Variants in DLC1 observed in about 807,000 individuals in gnomAD.
The protein encoded by DLC1 is rho GTPase-activating protein 7.
A neutral mutation model predicts 140.3 loss-of-function variants in DLC1; 54 were observed. The ratio of observed to expected loss-of-function variants is 0.38; its 90% CI spans 0.31 to 0.48. The LOEUF is 0.48. Among genes scored for constraint, DLC1 ranks in the 20% least tolerant of loss-of-function variants. The probability of loss-of-function intolerance (pLI) is 0.96; values close to 1 mark genes in which losing one functional copy is unlikely to be tolerated. For synonymous variants in DLC1, 986 were observed against 728.1 expected (o/e 1.35, Z -5.70); for missense variants, 2,536 against 1,907.0 (o/e 1.33, Z -6.14).
intron 2 of DLC1, among the ~76,000 whole-genome samples, chr8:13,424,741 T>G (rs905155240): frequency 2.0e-5 from 3 of 151,922 alleles, no homozygotes; most frequent in African/African-American, 7.3e-5. Flanking sequence ...CTTGGCTAAT[T>G]TTTTTGTATT....
chr8:13,354,642 A>G (rs992233606), intron 4 of DLC1, among the ~76,000 whole-genome samples: 12 of 152,142 alleles, frequency 7.9e-5, no homozygotes, highest in African/African-American at 2.7e-4. Context: ...AGCTATGTGC[A>G]AAAATGAAAA....
At chr8:13,307,378 G>A (rs190716385) in intron 4 of DLC1, among the ~76,000 whole-genome samples, 88 of 152,248 alleles carry the variant, frequency 5.8e-4, no homozygotes, top group African/African-American at 1.8e-3. Flanking sequence ...TCTTCTTCAA[G>A]AACTTCTCTG....
At chr8:13,191,641 A>G (rs1296555153) in intron 5 of DLC1, among the ~76,000 whole-genome samples, 15 of 152,308 alleles carry the variant, frequency 9.8e-5, no homozygotes, top group Non-Finnish European at 1.5e-5. Context: ...CAGATGATGA[A>G]TCACAATGTT....
chr8:13,295,983 C>T (rs1268128128), intron 5 of DLC1, among the ~76,000 whole-genome samples: 1 of 97,530 alleles, frequency 1.0e-5, no homozygotes, highest in Non-Finnish European at 1.9e-5. Context: ...GACAGAGTCT[C>T]ATTCTATTGC....
chr8:13,525,583 T>C (rs1337198712), intron 1 of DLC1, among the ~76,000 whole-genome samples: 1 of 152,168 alleles, frequency 6.6e-6, no homozygotes, highest in East Asian at 1.9e-4. Flanking sequence ...TTCCTAACGA[T>C]TAGTAATGTT....
intron 4 of DLC1, among the ~76,000 whole-genome samples, chr8:13,309,544 C>T (rs7827980): frequency 9.5e-4 from 144 of 152,250 alleles, no homozygotes; most frequent in African/African-American, 3.1e-3. Context: ...TTGCTTTCTT[C>T]TAATGAGAGC....
chr8:13,437,029 T>A (rs1176387708), intron 2 of DLC1, among the ~76,000 whole-genome samples: 2 of 152,238 alleles, frequency 1.3e-5, no homozygotes, highest in Non-Finnish European at 2.9e-5. Flanking sequence ...AACATTAAAA[T>A]AGTTCTCAGT....
At chr8:13,539,964 G>A (rs1484981153) in intron 1 of DLC1, among the ~76,000 whole-genome samples, 5 of 152,154 alleles carry the variant, frequency 3.3e-5, no homozygotes, top group South Asian at 2.1e-4. Context: ...GAAGGGAGAC[G>A]TTATCAAATT....
chr8:13,494,982 G>A (rs1250729316), intron 2 of DLC1, among the ~76,000 whole-genome samples: 1 of 151,864 alleles, frequency 6.6e-6, no homozygotes, highest in Non-Finnish European at 1.5e-5. Context: ...CAAACCTGAG[G>A]GATAAACTAA....
intron 2 of DLC1, among the ~76,000 whole-genome samples, chr8:13,419,680 T>C (rs992693593): frequency 1.3e-5 from 2 of 152,192 alleles, no homozygotes; most frequent in South Asian, 2.1e-4. Context: ...TTCTCTTTTT[T>C]GGTTGTGTCT....
At chr8:13,452,168 A>T (rs1799094368) in intron 2 of DLC1, among the ~76,000 whole-genome samples, 1 of 151,036 alleles carries the variant, frequency 6.6e-6, no homozygotes, top group African/African-American at 2.4e-5. Context: ...AATATTTGTT[A>T]ATTTAATAAT....
intron 5 of DLC1, among the ~76,000 whole-genome samples, chr8:13,228,364 C>A (rs1304893142): frequency 6.7e-6 from 1 of 150,094 alleles, no homozygotes; most frequent in Non-Finnish European, 1.5e-5. Context: ...AGAGATTTCA[C>A]AAACTATATA....
intron 5 of DLC1, among the ~76,000 whole-genome samples, chr8:13,188,837 A>T (rs1180755475): frequency 3.8e-5 from 1 of 26,404 alleles, no homozygotes; most frequent in African/African-American, 1.2e-4. Context: ...GTATATATAT[A>T]TATATATTTT....
chr8:13,182,113 C>T (rs926253647), intron 5 of DLC1, among the ~76,000 whole-genome samples: 1 of 152,094 alleles, frequency 6.6e-6, no homozygotes, highest in African/African-American at 2.4e-5. Flanking sequence ...TTTCATGTGT[C>T]TGTTGGCTGC....
In DLC1 at chr8:13,100,262, A is replaced by C. The variant is rs1485835330; in HGVS notation, c.2075T>G (p.Leu692Trp). ...SKHKAPSKLG[L>W]IISGPILQEG... Reference sequence around the variant, plus strand: ...TTGCAAGATGGGCCCGCTGATGATCAACCCCAGCTTTGAGGGCGCTTTGTG... The same window carrying C: ...TTGCAAGATGGGCCCGCTGATGATCCACCCCAGCTTTGAGGGCGCTTTGTG... The change falls in exon 9 of 18, where the codon TTG becomes TGG. Residue 692 changes from leucine to tryptophan, a missense_variant. Leu to Trp is a moderately conservative substitution (Grantham distance 61). Transcript: ENST00000276297. The C allele has an allele frequency of 2.5e-6, 4 of 1,614,042 alleles. No homozygotes were observed. Among genetic ancestry groups the C allele is most frequent in the Non-Finnish European group, 2.5e-6 (3 of 1,180,050 alleles).
chr8:13,317,820 A>AAGTTGTAGTCAAGAGTCC (rs1191731225), intron 4 of DLC1, among the ~76,000 whole-genome samples: 2 of 152,136 alleles, frequency 1.3e-5, no homozygotes, highest in African/African-American at 4.8e-5. Context: ...TCAGAGAAAT[A>AAGTTGTAGTCAAGAGTCC]AGTTGTAGTC....
chr8:13,103,788 T>A (rs1585630130), intron 7 of DLC1, among the ~76,000 whole-genome samples: 1 of 136,434 alleles, frequency 7.3e-6, no homozygotes, highest in African/African-American at 2.8e-5. Context: ...TGTAGTGAGC[T>A]GAGATTGTGC....
chr8:13,483,894 C>T (rs1157359868), intron 2 of DLC1, among the ~76,000 whole-genome samples: 2 of 152,018 alleles, frequency 1.3e-5, no homozygotes, highest in African/African-American at 2.4e-5. Flanking sequence ...TCAGCCTGGC[C>T]AACAGGGTGA....
At chr8:13,324,523 C>T (rs754243971) in intron 4 of DLC1, among the ~76,000 whole-genome samples, 51 of 147,088 alleles carry the variant, frequency 3.5e-4, no homozygotes, top group Non-Finnish European at 4.6e-4. Flanking sequence ...GCCCAGATCG[C>T]GCCACTGCAC....
Sources: gnomAD v4.1 joint callset for allele counts (sites outside exome capture counted in the v4.1 genomes callset) on GRCh38, gnomAD v4.1.1 for gene constraint, MANE v1.5 for transcripts, NCBI Gene and HGNC (gene_info 2026-07-23, HGNC 2026-07-21) for gene names.